The following GSTM4 variants were observed in gnomAD, a reference collection of about 807,000 sequenced individuals.
The protein encoded by GSTM4 is glutathione S-transferase mu 4, also known as GST class-mu 4.
A neutral mutation model predicts 30.1 loss-of-function variants in GSTM4; 27 were observed. The ratio of observed to expected loss-of-function variants is 0.90; its 90% CI spans 0.66 to 1.24. The LOEUF (loss-of-function observed/expected upper bound fraction) is 1.24, where lower values mean the gene tolerates loss of function less well. Among genes scored for constraint, GSTM4 ranks in the 50% most tolerant of loss-of-function variants. The pLI is 0.00. For synonymous variants in GSTM4, 94 were observed against 96.2 expected, an observed-to-expected ratio of 0.98 and a Z score of 0.13; for missense variants, 238 against 272.1, an observed-to-expected ratio of 0.87 and a Z score of 0.88.
At position 109,656,129 on chromosome 1, in the gene GSTM4, C is replaced by T. The variant is rs1651964931; in HGVS notation, c.-261C>T. The T allele has an allele frequency of 4.2e-6, 2 of 475,422 alleles. No homozygotes were observed. Among genetic ancestry groups the T allele is most frequent in the Admixed American group, 3.4e-5 (1 of 29,674 alleles). 29.5% of individuals were successfully genotyped at this position (475,422 alleles called of 1,614,324 possible). A position where few individuals can be genotyped will look rare whatever the true frequency, so the allele number is the denominator to read the frequency against. ...GCTTCCGGACCTTGCTCCCTGAACA[C>T]TCGGAGGTGGCGGTGGATCTTACTC... is the stretch of plus-strand genomic sequence containing the variant. On this transcript the variant is annotated 5_prime_UTR_variant, in exon 1 of 8. Transcript: ENST00000369836.
At chr1:109,661,039 C>T (rs1170997878) in intron 7 of GSTM4, 126 bp from the exon 8 acceptor site, 14 of 1,354,548 alleles carry the variant, frequency 1.0e-5, no homozygotes, top group Non-Finnish European at 1.2e-5. Flanking sequence ...TGTGTGATGC[C>T]TCAGCACTTG....
chr1:109,657,184 G>T, intron 2 of GSTM4, 31 bp from the exon 3 acceptor site: 1 of 1,611,658 alleles, frequency 6.2e-7, no homozygotes, highest in Non-Finnish European at 8.5e-7. Flanking sequence ...CTCTGGGGAG[G>T]TTTGTTTTCA....
downstream of GSTM4, chr1:109,665,099 T>C: frequency 1.0e-6 from 1 of 958,124 alleles, no homozygotes. Context: ...ATCATTGTGC[T>C]TGTGAGGGTG....
chr1:109,657,377 C>G, intron 3 of GSTM4, 98 bp downstream of exon 3: 1 of 1,517,142 alleles, frequency 6.6e-7, no homozygotes, highest in Non-Finnish European at 9.1e-7. Context: ...CAGGAGTCTT[C>G]TGCCCAATTC....
chr1:109,664,121 T>G (rs1647215601), downstream of GSTM4, among the ~76,000 whole-genome samples: 1 of 152,154 alleles, frequency 6.6e-6, no homozygotes, highest in South Asian at 2.1e-4. Context: ...TTACTTCCTG[T>G]GGATAAATTA....
rs1557950320 is a variant in GSTM4 at position 109,656,580 on chromosome 1, G to GTC, written c.37-131_37-130insCT. ...TGTGTGTGTGTGTGTGTGTGTGTGTGTGTGTGTGTGCGTGCGCCGGGGTGG... is the reference window on the plus strand; with the variant it reads ...TGTGTGTGTGTGTGTGTGTGTGTGTGTCTGTGTGTGTGCGTGCGCCGGGGTGG... On this transcript the variant is annotated intron_variant, in intron 1 of 7. Transcript: ENST00000369836. 1.3e-4 allele frequency: 99 copies of GTC among 742,188 alleles called. 1 individual carries two copies. The highest frequency in any genetic ancestry group is 1.9e-4 in the Non-Finnish European group (82 of 431,402). 46.0% of individuals were successfully genotyped at this position (742,188 alleles called of 1,614,324 possible). A position where few individuals can be genotyped will look rare whatever the true frequency, so the allele number is the denominator to read the frequency against.
intron 7 of GSTM4, chr1:109,659,547 A>G (rs1312019799): frequency 4.5e-5 from 23 of 511,632 alleles, no homozygotes; most frequent in South Asian, 2.2e-5. Flanking sequence ...GCAGCTGGCA[A>G]TAGTAGGACT....
intron 7 of GSTM4, chr1:109,659,391 T>C: frequency 6.9e-7 from 1 of 1,455,492 alleles, no homozygotes; most frequent in East Asian, 2.5e-5. Context: ...GAGGCTGTGC[T>C]GGGCTCCCTG....
intron 5 of GSTM4, 85 bp from the exon 6 acceptor site, chr1:109,658,729 G>C: frequency 1.1e-6 from 1 of 949,202 alleles, no homozygotes; most frequent in Non-Finnish European, 1.7e-6. Context: ...CTCGTGGCCA[G>C]CTGGGGCCAT....
At chr1:109,659,463 C>T (rs545689949) in intron 7 of GSTM4, 2 of 1,157,724 alleles carry the variant, frequency 1.7e-6, no homozygotes, top group East Asian at 2.6e-5. Flanking sequence ...AGAAAGAAGC[C>T]TCAGGCCTCA....
chr1:109,663,049 T>G (rs963444470), downstream of GSTM4, among the ~76,000 whole-genome samples: 7 of 152,334 alleles, frequency 4.6e-5, no homozygotes, highest in Admixed American at 4.6e-4. Flanking sequence ...TCTGCTATAA[T>G]GAAAATAAAC....
chr1:109,657,169 C>G (rs1259355144), intron 2 of GSTM4, 46 bp from the exon 3 acceptor site: 8 of 1,605,306 alleles, frequency 5.0e-6, no homozygotes, highest in Non-Finnish European at 6.0e-6. Flanking sequence ...GGAAGGAGGG[C>G]TGGGCTCTGG....
chr1:109,657,153 T>A, intron 2 of GSTM4, 62 bp from the exon 3 acceptor site: 1 of 1,581,182 alleles, frequency 6.3e-7, no homozygotes, highest in Non-Finnish European at 8.7e-7. Context: ...CTTGGGAGGG[T>A]CCCCGGGAAG....
At chr1:109,664,918 T>C, downstream of GSTM4, 1 of 1,418,324 alleles carries the variant, frequency 7.1e-7, no homozygotes, top group South Asian at 1.2e-5. Flanking sequence ...TGTGGCTTAG[T>C]CAACTCCTGG....
At chr1:109,656,478 G>C in intron 1 of GSTM4, 53 bp downstream of exon 1, 1 of 1,602,042 alleles carries the variant, frequency 6.2e-7, no homozygotes, top group Non-Finnish European at 8.6e-7. Context: ...GGGAAGTGCC[G>C]AGCGGCTGGG....
At chr1:109,667,082 G>A (rs1228215443), downstream of GSTM4, among the ~76,000 whole-genome samples, 1 of 152,134 alleles carries the variant, frequency 6.6e-6, no homozygotes, top group Non-Finnish European at 1.5e-5. Flanking sequence ...GCGCTTCCCA[G>A]TGGTGACAAT....
chr1:109,659,556 C>T (rs1652206492), intron 7 of GSTM4: 1 of 486,244 alleles, frequency 2.1e-6, no homozygotes. Context: ...AATAGTAGGA[C>T]TGACACACGG....
chr1:109,658,769 A>G (rs1652154773), intron 5 of GSTM4, 45 bp from the exon 6 acceptor site: 6 of 1,400,430 alleles, frequency 4.3e-6, no homozygotes, highest in Non-Finnish European at 6.1e-6. Flanking sequence ...ACATCTGTGC[A>G]GGGAGCTTGT....
intron 7 of GSTM4, 34 bp downstream of exon 7, chr1:109,659,144 C>G (rs1449938082): frequency 6.2e-7 from 1 of 1,614,166 alleles, no homozygotes; most frequent in Non-Finnish European, 8.5e-7. Flanking sequence ...CTTTGATGCC[C>G]CTTGTTCCGT....
Sources: allele counts gnomAD v4.1 joint callset (sites outside exome capture counted in the v4.1 genomes callset), GRCh38; gene constraint gnomAD v4.1.1; transcripts MANE v1.5; gene names NCBI Gene and HGNC (gene_info 2026-07-23, HGNC 2026-07-21).